RTN1: variants seen among roughly 807,000 people sequenced by gnomAD.
The protein encoded by RTN1 is reticulon 1.
RTN1 carries 25 observed loss-of-function variants against 65.5 expected under a neutral mutation model. The observed-to-expected ratio is 0.38, with a 90% CI of 0.28 to 0.53. RTN1 has a LOEUF of 0.53. Among genes scored for constraint, RTN1 ranks in the 20% least tolerant of loss-of-function variants. RTN1 has a pLI of 0.79. For missense variants in RTN1, 983 were observed against 1,025.4 expected (o/e 0.96, Z 0.57); for synonymous variants, 471 against 447.6 (o/e 1.05, Z -0.66).
At chr14:59,792,506 T>C (rs898085933) in intron 1 of RTN1, among the ~76,000 whole-genome samples, 3 of 152,138 alleles carry the variant, frequency 2.0e-5, no homozygotes, top group Non-Finnish European at 4.4e-5. Context: ...TAAGCTTTGT[T>C]TATTTTTAAA....
At chr14:59,813,578 C>T (rs528563205) in intron 1 of RTN1, among the ~76,000 whole-genome samples, 25 of 152,248 alleles carry the variant, frequency 1.6e-4, no homozygotes, top group African/African-American at 6.0e-4. Context: ...TAGAGCTAAA[C>T]TAGCCTAAGA....
At position 59,607,511 on chromosome 14, in the gene RTN1, A is replaced by T. The variant is rs765214340; in HGVS notation, c.1766-19T>A. ...TCAATAGCTGCAGGAGACACCAAAC[A>T]CACCCAGCTGAGCTCCCGCAGTGCC... On this transcript the variant is annotated intron_variant, in intron 3 of 8. Transcript: ENST00000267484. 6.3e-7 allele frequency: 1 copy of T among 1,584,204 alleles called. No homozygotes were observed. Among genetic ancestry groups the T allele is most frequent in the Non-Finnish European group, 8.6e-7 (1 of 1,164,724 alleles).
At chr14:59,782,087 T>C (rs1566725206) in intron 1 of RTN1, among the ~76,000 whole-genome samples, 1 of 152,062 alleles carries the variant, frequency 6.6e-6, no homozygotes, top group Non-Finnish European at 1.5e-5. Flanking sequence ...TTCCACAATG[T>C]GAGGATGCAG....
chr14:59,749,278 C>CTATATATATCTA (rs1566711346), intron 1 of RTN1, among the ~76,000 whole-genome samples: 12 of 16,320 alleles, frequency 7.4e-4, no homozygotes, highest in Non-Finnish European at 1.1e-3. Context: ...ATATATATAT[C>CTATATATATCTA]TATATATATC....
At chr14:59,686,842 C>A (rs2140225287) in intron 3 of RTN1, among the ~76,000 whole-genome samples, 1 of 152,274 alleles carries the variant, frequency 6.6e-6, no homozygotes, top group Middle Eastern at 3.4e-3. Context: ...TTTTCTGAGG[C>A]CTGGAACCAA....
chr14:59,744,517 C>G (rs369719411), intron 2 of RTN1, among the ~76,000 whole-genome samples: 15 of 152,118 alleles, frequency 9.9e-5, no homozygotes, highest in African/African-American at 3.6e-4. Flanking sequence ...TGCCTTCAGT[C>G]ACAGAAAGAG....
chr14:59,675,150 G>A (rs1335912252), intron 3 of RTN1, among the ~76,000 whole-genome samples: 1 of 152,104 alleles, frequency 6.6e-6, no homozygotes, highest in African/African-American at 2.4e-5. Context: ...GGTGCACAGA[G>A]GAGTGGTGGC....
chr14:59,676,482 G>A (rs1413369580), intron 3 of RTN1, among the ~76,000 whole-genome samples: 3 of 152,132 alleles, frequency 2.0e-5, no homozygotes, highest in Non-Finnish European at 4.4e-5. Flanking sequence ...TTGAAGCAAA[G>A]AAGCATTAAC....
intron 3 of RTN1, among the ~76,000 whole-genome samples, chr14:59,694,763 A>G (rs1175629335): frequency 6.6e-6 from 1 of 152,216 alleles, no homozygotes; most frequent in Non-Finnish European, 1.5e-5. Context: ...TACAACTCAA[A>G]GTAGCTTCAC....
At chr14:59,703,824 G>A (rs1253998119) in intron 3 of RTN1, among the ~76,000 whole-genome samples, 1 of 152,122 alleles carries the variant, frequency 6.6e-6, no homozygotes, top group African/African-American at 2.4e-5. Context: ...CTGAAATTTT[G>A]GTTGTTAGCC....
At chr14:59,729,355 C>T (rs1566702111) in intron 2 of RTN1, among the ~76,000 whole-genome samples, 1 of 150,756 alleles carries the variant, frequency 6.6e-6, no homozygotes, top group African/African-American at 2.5e-5. Context: ...GGGCTTTAAG[C>T]AGAGGAAGGA....
chr14:59,738,322 C>A (rs1032573812), intron 2 of RTN1, among the ~76,000 whole-genome samples: 2 of 152,090 alleles, frequency 1.3e-5, no homozygotes, highest in Non-Finnish European at 2.9e-5. Context: ...AAATAAACAA[C>A]CTCATTAAAA....
intron 1 of RTN1, among the ~76,000 whole-genome samples, chr14:59,819,078 C>T (rs1211656947): frequency 6.6e-6 from 1 of 152,048 alleles, no homozygotes; most frequent in East Asian, 1.9e-4. Flanking sequence ...CATCCCGAGT[C>T]GTTGGTTCTT....
At chr14:59,662,278 T>C (rs1174516371) in intron 3 of RTN1, among the ~76,000 whole-genome samples, 5 of 151,870 alleles carry the variant, frequency 3.3e-5, no homozygotes, top group Non-Finnish European at 5.9e-5. Context: ...GTCATTTACA[T>C]TACGTATATC....
At chr14:59,631,414 A>G (rs1244501545) in intron 3 of RTN1, among the ~76,000 whole-genome samples, 1 of 152,182 alleles carries the variant, frequency 6.6e-6, no homozygotes, top group Non-Finnish European at 1.5e-5. Flanking sequence ...CAGGGAAGCA[A>G]AGGGCATTCT....
rs998940513 is a variant in RTN1, at chr14:59,617,043, T to G, written c.1766-9551A>C. 7.8e-4 allele frequency among the ~76,000 whole-genome samples: 119 copies of G among 152,248 alleles called. 2 individuals carry two copies. The highest frequency in any genetic ancestry group is 3.2e-4 in the Non-Finnish European group (22 of 68,040). ...TTAATATTCTCAATTTATGGAAGTA[T>G]AGTTAATTGCATAAGTGTAATAACA... On this transcript the variant is annotated intron_variant, in intron 3 of 8. Coordinates refer to ENST00000267484, the MANE Select transcript of RTN1 (RefSeq NM_021136.3).
rs900900064 is a variant in RTN1 at position 59,672,635 on chromosome 14, T to A, written c.1765+54284A>T. Among the ~76,000 whole-genome samples, 4 of 117,812 alleles carry A rather than the reference T, an allele frequency of 3.4e-5. No homozygotes were observed. The East Asian group carries it at 8.6e-4, about 25-fold the overall frequency. The allele number at this position is 117,812 out of a possible 152,430, so 77.3% of individuals were successfully genotyped here. ...GAATACAAGATATTTCTTTTTTTTT[T>A]TTTTTTTTTTTTTTTTGAGACGGAG... On this transcript the variant is annotated intron_variant, in intron 3 of 8. Transcript: ENST00000267484.
At chr14:59,855,245 TC>T (rs1382063030) in intron 1 of RTN1, among the ~76,000 whole-genome samples, 8 of 152,220 alleles carry the variant, frequency 5.3e-5, no homozygotes, top group African/African-American at 1.9e-4. Context: ...TTTTCTGTTT[TC>T]TTTCTGTTGT....
chr14:59,815,121 A>G (rs973531246), intron 1 of RTN1, among the ~76,000 whole-genome samples: 1 of 152,176 alleles, frequency 6.6e-6, no homozygotes, highest in Non-Finnish European at 1.5e-5. Flanking sequence ...GACAGCTCCT[A>G]TTTACTCTGA....
Sources: gnomAD v4.1 joint callset for allele counts (sites outside exome capture counted in the v4.1 genomes callset) on GRCh38, gnomAD v4.1.1 for gene constraint, MANE v1.5 for transcripts, NCBI Gene and HGNC (gene_info 2026-07-23, HGNC 2026-07-21) for gene names.